Variants in RC3H1 observed in about 807,000 individuals in gnomAD.
RC3H1 encodes the protein roquin-1.
A neutral mutation model predicts 138.2 loss-of-function variants in RC3H1; 50 were observed. That is an observed-to-expected ratio of 0.36 (90% CI 0.29 to 0.46). RC3H1 has a LOEUF of 0.46. RC3H1 is among the 20% of genes least tolerant of loss of function. RC3H1 has a pLI of 1.00. For synonymous variants in RC3H1, 462 were observed against 489.1 expected, an observed-to-expected ratio of 0.94 and a Z score of 0.73; for missense variants, 1,031 against 1,388.1, an observed-to-expected ratio of 0.74 and a Z score of 4.09.
Position 173,947,391 on chromosome 1 carries a change from A to G in RC3H1, c.2715T>C (p.Pro905=). 6.2e-7 allele frequency: 1 copy of G among 1,613,064 alleles called. No homozygotes were observed. The highest frequency in any genetic ancestry group is 8.5e-7 in the Non-Finnish European group (1 of 1,179,072). The change falls in exon 15 of 20, where the codon CCT becomes CCC. Residue 905 remains proline, a synonymous_variant. Coordinates refer to ENST00000367696, the MANE Select transcript of RC3H1 (RefSeq NM_172071.4). The part of the protein sequence containing the change: ...PMQAMAPQGA[P]TKSINISDYS... ...TACCTGAAATGTTAATAGATTTTGT[A>G]GGAGCTCCCTGAGGTGCCATAGCCT...
In RC3H1 at chr1:173,972,394, A is replaced by G. The variant is rs1327743345; in HGVS notation, c.1221+115T>C. ...ACAGTTTCTATACTCAGAGTCTCAA[A>G]ATGTTCATGTTATCTTTTTGGCTTT... On this transcript the variant is annotated intron_variant, in intron 8 of 19. Transcript: ENST00000367696. The G allele has an allele frequency of 1.1e-4, 75 of 682,394 alleles. No homozygotes were observed. The East Asian group carries it at 1.9e-3, about 17-fold the overall frequency. 42.3% of individuals were successfully genotyped at this position (682,394 alleles called of 1,614,324 possible). A position where few individuals can be genotyped will look rare whatever the true frequency, so the allele number is the denominator to read the frequency against.
rs1658531626 is a variant in RC3H1, at chr1:173,935,212, G to T, written c.*3509C>A. 6.6e-6 allele frequency: 1 copy of T among 152,094 alleles called. No individual in the cohort carries two copies. The highest frequency in any genetic ancestry group is 2.4e-5 in the African/African-American group (1 of 41,420). 9.4% of individuals were successfully genotyped at this position (152,094 alleles called of 1,614,324 possible). Reference sequence around the variant, plus strand: ...GTTATCTAAGACAGGACAGTTACTGGACTTATCTTATGACAAAATTATATA... The same window carrying T: ...GTTATCTAAGACAGGACAGTTACTGTACTTATCTTATGACAAAATTATATA... On this transcript the variant is annotated 3_prime_UTR_variant, in exon 20 of 20. Transcript: ENST00000367696.
In RC3H1 at chr1:173,933,900, T is replaced by C. The variant is rs181660381; in HGVS notation, c.*4821A>G. 17 of 152,186 alleles carry C rather than the reference T, an allele frequency of 1.1e-4. No individual in the cohort carries two copies. Among genetic ancestry groups the C allele is most frequent in the Admixed American group, 1.0e-3 (16 of 15,300 alleles). The allele number at this position is 152,186 out of a possible 1,614,324, so 9.4% of individuals were successfully genotyped here. A position where few individuals can be genotyped will look rare whatever the true frequency, so the allele number is the denominator to read the frequency against. On this transcript the variant is annotated 3_prime_UTR_variant, in exon 20 of 20. Transcript: ENST00000367696. ...AGGGGAAGAGATCACCTTGCAACAC[T>C]GTAACCATATCATCAGTTAAAAATT...
rs1201558386 is a variant in RC3H1, at chr1:173,936,778, T to TAAAAAAA, written c.*1936_*1942dup. On this transcript the variant is annotated 3_prime_UTR_variant, in exon 20 of 20. Coordinates refer to ENST00000367696, the MANE Select transcript of RC3H1 (RefSeq NM_172071.4). ...ATATATATATTTTTTTTTTTTTTTT[T>TAAAAAAA]AAAAAAAGAAGACAAATGTATAAGA... 1 of 97,046 alleles carries TAAAAAAA rather than the reference T, an allele frequency of 1.0e-5. No individual in the cohort carries two copies. The highest frequency in any genetic ancestry group is 3.8e-5 in the African/African-American group (1 of 26,508). The allele number at this position is 97,046 out of a possible 1,614,324, so 6.0% of individuals were successfully genotyped here.
At chr1:173,958,712 T>C (rs1659746093) in intron 13 of RC3H1, among the ~76,000 whole-genome samples, 1 of 151,914 alleles carries the variant, frequency 6.6e-6, no homozygotes, top group African/African-American at 2.4e-5. Context: ...CTATAACTAC[T>C]AGCATTGTCA....
intron 1 of RC3H1, among the ~76,000 whole-genome samples, chr1:173,994,628 G>T (rs755997696): frequency 3.3e-5 from 5 of 150,136 alleles, no homozygotes; most frequent in Non-Finnish European, 7.4e-5. Context: ...GGGAGACCCT[G>T]TCTCTACAAA....
intron 1 of RC3H1, among the ~76,000 whole-genome samples, chr1:174,010,612 C>T (rs1461907412): frequency 1.3e-5 from 2 of 152,070 alleles, no homozygotes; most frequent in Non-Finnish European, 2.9e-5. Context: ...CGAGGTCTCA[C>T]AATATTGCCC....
chr1:173,938,190 A>C lies in RC3H1; in HGVS notation c.*531T>G, dbSNP rs541599668. 1 of 152,360 alleles carries C rather than the reference A, an allele frequency of 6.6e-6. No individual in the cohort carries two copies. Among genetic ancestry groups the C allele is most frequent in the South Asian group, 2.1e-4 (1 of 4,828 alleles). The allele number at this position is 152,360 out of a possible 1,614,324, so 9.4% of individuals were successfully genotyped here. On this transcript the variant is annotated 3_prime_UTR_variant, in exon 20 of 20. Transcript: ENST00000367696. ...TTGGTTTGCTGCACATTTTCTAATA[A>C]CTCAGTCTAGTACTGTCTGTTTCTC...
chr1:174,022,292 G>A lies in RC3H1; in HGVS notation c.-347C>T. The A allele has an allele frequency of 2.6e-6, 1 of 384,130 alleles. No individual in the cohort carries two copies. Among genetic ancestry groups the A allele is most frequent in the East Asian group, 3.8e-5 (1 of 26,654 alleles). The allele number at this position is 384,130 out of a possible 1,614,324, so 23.8% of individuals were successfully genotyped here. On this transcript the variant is annotated 5_prime_UTR_variant, in exon 1 of 20. Transcript: ENST00000367696. The surrounding 1 kb of genome is among the most constrained non-coding windows in gnomAD (Gnocchi z 4.2). ...GCTGCTGAGGCTGCTCCTGCAGCAG[G>A]GGCCATCTTGTTGCTCGGCCTCCTC...
intron 14 of RC3H1, among the ~76,000 whole-genome samples, chr1:173,951,435 T>G (rs2102885895): frequency 6.6e-6 from 1 of 152,330 alleles, no homozygotes; most frequent in South Asian, 2.1e-4. Context: ...GTATTAAATT[T>G]CAGTATCTCA....
chr1:173,958,705 T>A (rs1044365240), intron 13 of RC3H1, among the ~76,000 whole-genome samples: 1 of 152,084 alleles, frequency 6.6e-6, no homozygotes, highest in African/African-American at 2.4e-5. Context: ...TTATTCACTA[T>A]AACTACTAGC....
At chr1:174,010,645 C>T (rs762337757) in intron 1 of RC3H1, among the ~76,000 whole-genome samples, 33 of 152,098 alleles carry the variant, frequency 2.2e-4, no homozygotes, top group Non-Finnish European at 4.0e-4. Context: ...AACTCCTAGA[C>T]TCAAGCGATC....
chr1:174,009,890 T>C (rs1394968738), intron 1 of RC3H1, among the ~76,000 whole-genome samples: 1 of 152,196 alleles, frequency 6.6e-6, no homozygotes. Flanking sequence ...GTACACTCTA[T>C]GTGCCAGGAA....
intron 7 of RC3H1, among the ~76,000 whole-genome samples, chr1:173,973,724 C>T (rs1245907564): frequency 6.6e-6 from 1 of 152,094 alleles, no homozygotes; most frequent in Admixed American, 6.5e-5. Flanking sequence ...GTAGAGATAA[C>T]TTCTTGCTCA....
At chr1:173,984,271 A>C (rs943162189) in intron 3 of RC3H1, among the ~76,000 whole-genome samples, 3 of 152,246 alleles carry the variant, frequency 2.0e-5, no homozygotes, top group African/African-American at 7.2e-5. Context: ...TATTTAGCAC[A>C]AAATGAGTTT....
chr1:173,950,043 C>G (rs1659320321), intron 14 of RC3H1, among the ~76,000 whole-genome samples: 1 of 151,946 alleles, frequency 6.6e-6, no homozygotes, highest in South Asian at 2.1e-4. Context: ...GTGGTATGTG[C>G]CTGTAGTCCC....
At chr1:174,006,925 T>G (rs559687954) in intron 1 of RC3H1, among the ~76,000 whole-genome samples, 1 of 152,256 alleles carries the variant, frequency 6.6e-6, no homozygotes, top group Non-Finnish European at 1.5e-5. Context: ...GAGTGTTCAG[T>G]TCAACGAATT....
chr1:174,003,202 C>CT (rs1322842917), intron 1 of RC3H1, among the ~76,000 whole-genome samples: 1 of 152,030 alleles, frequency 6.6e-6, no homozygotes, highest in Non-Finnish European at 1.5e-5. Context: ...GCCTGGCCAA[C>CT]GTGGTGAAAC....
Position 173,950,624 on chromosome 1 carries a change from A to G in RC3H1, c.2523+1362T>C, listed in dbSNP as rs529741933. 4.6e-5 allele frequency among the ~76,000 whole-genome samples: 7 copies of G among 152,194 alleles called. No homozygotes were observed. In the South Asian group the frequency reaches 1.4e-3, roughly 32 times the overall value. On this transcript the variant is annotated intron_variant, in intron 14 of 19. Transcript: ENST00000367696. Reference sequence around the variant, plus strand: ...CATGAAAATGATAAATACTAAACTCAGGATAGAGATTACTTAGAGGGAATG... The same window carrying G: ...CATGAAAATGATAAATACTAAACTCGGGATAGAGATTACTTAGAGGGAATG...
Sources: gnomAD v4.1 joint callset for allele counts (sites outside exome capture counted in the v4.1 genomes callset) on GRCh38, gnomAD v4.1.1 for gene constraint, Gnocchi (gnomAD v3.1) non-coding constraint, MANE v1.5 for transcripts, NCBI Gene and HGNC (gene_info 2026-07-23, HGNC 2026-07-21) for gene names.